B3GAT2: variants seen among roughly 807,000 people sequenced by gnomAD.
B3GAT2 encodes galactosylgalactosylxylosylprotein 3-beta-glucuronosyltransferase 2.
Under a neutral mutation model 27.8 loss-of-function variants are expected in B3GAT2, and 26 were observed. The observed-to-expected ratio is 0.93, with a 90% CI of 0.68 to 1.30. B3GAT2 has a LOEUF of 1.30. B3GAT2 is among the 50% of genes most tolerant of loss of function. B3GAT2 has a pLI of 0.00. For synonymous variants in B3GAT2, 218 were observed against 195.1 expected (o/e 1.12, Z -0.98); for missense variants, 458 against 459.0 (o/e 1.00, Z 0.02).
intron 1 of B3GAT2, among the ~76,000 whole-genome samples, chr6:70,929,825 A>G (rs1247888891): frequency 1.3e-5 from 2 of 152,254 alleles, no homozygotes; most frequent in Non-Finnish European, 2.9e-5. Flanking sequence ...CTTTCTTCAC[A>G]TAATTGGAAA....
chr6:70,956,775 C>T lies in B3GAT2; in HGVS notation c.-346G>A, dbSNP rs1765665471. 1.7e-6 allele frequency: 2 copies of T among 1,160,750 alleles called. No individual in the cohort carries two copies. The highest frequency in any genetic ancestry group is 2.1e-6 in the Non-Finnish European group (2 of 940,184). The allele number at this position is 1,160,750 out of a possible 1,614,324, so 71.9% of individuals were successfully genotyped here. On this transcript the variant is annotated 5_prime_UTR_variant, in exon 1 of 4. Coordinates refer to ENST00000230053, the MANE Select transcript of B3GAT2 (RefSeq NM_080742.3). ...GGCGCTGATCCCCACCGCGCTCTTT[C>T]TGAAGAGTGGAAGCCGAGAAGCGGC...
rs534926435 is a variant in B3GAT2, at chr6:70,890,287, C to T, written c.736+3841G>A. On this transcript the variant is annotated intron_variant, in intron 2 of 3. Transcript: ENST00000230053. ...CCCCCCCTGCAGTCACTTTAAATGC[C>T]TGCCCCCAGGATGCAATCCGAGGCT... Among the ~76,000 whole-genome samples the T allele has an allele frequency of 2.8e-4, 43 of 152,244 alleles. No homozygotes were observed. The East Asian group carries it at 7.0e-3, about 25-fold the overall frequency.
At chr6:70,938,595 C>G (rs1215381195) in intron 1 of B3GAT2, among the ~76,000 whole-genome samples, 5 of 149,412 alleles carry the variant, frequency 3.3e-5, no homozygotes, top group African/African-American at 1.2e-4. Context: ...TCAGAAATAA[C>G]GCTGCATATC....
At chr6:70,868,077 T>G (rs1180857944) in intron 2 of B3GAT2, among the ~76,000 whole-genome samples, 3 of 152,136 alleles carry the variant, frequency 2.0e-5, no homozygotes, top group African/African-American at 7.2e-5. Context: ...GAGAAAATGC[T>G]TTGACAAAAT....
At chr6:70,951,300 C>G (rs573865669) in intron 1 of B3GAT2, among the ~76,000 whole-genome samples, 1 of 152,188 alleles carries the variant, frequency 6.6e-6, no homozygotes, top group South Asian at 2.1e-4. Flanking sequence ...TTGCAGCATG[C>G]CTTAAAAGCA....
At chr6:70,871,881 G>A (rs1050016835) in intron 2 of B3GAT2, among the ~76,000 whole-genome samples, 3 of 151,670 alleles carry the variant, frequency 2.0e-5, no homozygotes, top group Admixed American at 1.3e-4. Context: ...ACCCCCATAG[G>A]TTTTCATATG....
At chr6:70,904,990 C>A (rs11752395) in intron 1 of B3GAT2, among the ~76,000 whole-genome samples, 1,592 of 152,218 alleles carry the variant, frequency 0.01, 13 homozygotes, top group Non-Finnish European at 0.016. Flanking sequence ...GACAATATAA[C>A]CTATGTGGTG....
At chr6:70,903,816 A>G (rs1003765450) in intron 1 of B3GAT2, among the ~76,000 whole-genome samples, 2 of 152,178 alleles carry the variant, frequency 1.3e-5, no homozygotes, top group Non-Finnish European at 2.9e-5. Context: ...GGTAACAACT[A>G]CTTGGGAAAA....
In B3GAT2 at chr6:70,945,786, T is replaced by G. The variant is rs1469501813; in HGVS notation, c.591+10053A>C. Among the ~76,000 whole-genome samples, 9 of 149,768 alleles carry G rather than the reference T, an allele frequency of 6.0e-5. No individual in the cohort carries two copies. In the East Asian group the frequency reaches 1.8e-3, roughly 29 times the overall value. ...ACATAATTGTCAGATTCACCAAAGT[T>G]GAAATGAAGGAAAAAATGGTAAGGG... On this transcript the variant is annotated intron_variant, in intron 1 of 3. Transcript: ENST00000230053.
rs1318186542 is a variant in B3GAT2 at position 70,894,162 on chromosome 6, C to G, written c.702G>C (p.Trp234Cys). ...NGKVVGWYTG[W>C]RADRPFAIDM... ...CGATGGCAAAAGGCCTGTCTGCTCT[C>G]CAGCCGGTGTACCAGCCAACAACTT... is the stretch of plus-strand genomic sequence containing the variant. Residue 234 changes from tryptophan (W) to cysteine (C), a missense_variant, in exon 2 of 4, where the codon TGG becomes TGC. Coordinates refer to ENST00000230053, the MANE Select transcript of B3GAT2 (RefSeq NM_080742.3). 2 of 1,613,498 alleles carry G rather than the reference C, an allele frequency of 1.2e-6. No homozygotes were observed. Among genetic ancestry groups the G allele is most frequent in the East Asian group, 4.5e-5 (2 of 44,874 alleles).
At chr6:70,864,694 A>G (rs1771822058) in intron 2 of B3GAT2, among the ~76,000 whole-genome samples, 2 of 152,168 alleles carry the variant, frequency 1.3e-5, no homozygotes, top group Admixed American at 1.3e-4. Context: ...CTTTTGGGGA[A>G]TCTGACCCGC....
At chr6:70,868,778 TAC>T (rs958378842) in intron 2 of B3GAT2, among the ~76,000 whole-genome samples, 7 of 152,134 alleles carry the variant, frequency 4.6e-5, no homozygotes, top group African/African-American at 1.7e-4. Context: ...AAAAAGTATA[TAC>T]ACACAGTGCA....
chr6:70,911,250 TG>T (rs776331195), intron 1 of B3GAT2, among the ~76,000 whole-genome samples: 1 of 152,082 alleles, frequency 6.6e-6, no homozygotes, highest in Non-Finnish European at 1.5e-5. Flanking sequence ...ATGTCCAGAA[TG>T]GTATTTCCTA....
At chr6:70,896,275 CA>C (rs1378995235) in intron 1 of B3GAT2, among the ~76,000 whole-genome samples, 17 of 152,128 alleles carry the variant, frequency 1.1e-4, no homozygotes, top group African/African-American at 4.1e-4. Flanking sequence ...CTTACTGATC[CA>C]CCTGTGTATC....
intron 2 of B3GAT2, among the ~76,000 whole-genome samples, chr6:70,863,547 G>C (rs886512952): frequency 3.3e-5 from 5 of 152,204 alleles, no homozygotes; most frequent in Non-Finnish European, 7.3e-5. Context: ...TTTGGAATTA[G>C]AAGCCTTTTG....
chr6:70,923,598 C>T (rs1772906194), intron 1 of B3GAT2, among the ~76,000 whole-genome samples: 3 of 152,028 alleles, frequency 2.0e-5, no homozygotes, highest in African/African-American at 7.2e-5. Flanking sequence ...ATTACTTGAG[C>T]CAGGAGGTCA....
chr6:70,868,577 A>G (rs1771887849), intron 2 of B3GAT2, among the ~76,000 whole-genome samples: 2 of 152,190 alleles, frequency 1.3e-5, no homozygotes, highest in South Asian at 4.1e-4. Flanking sequence ...TGGCAACAAG[A>G]CTTTTATAGT....
intron 1 of B3GAT2, among the ~76,000 whole-genome samples, chr6:70,930,318 C>A (rs1189190250): frequency 6.6e-6 from 1 of 152,166 alleles, no homozygotes; most frequent in Non-Finnish European, 1.5e-5. Flanking sequence ...AAAGCAATGG[C>A]AACAAAAGTC....
At chr6:70,868,461 T>C (rs1410458613) in intron 2 of B3GAT2, among the ~76,000 whole-genome samples, 1 of 152,200 alleles carries the variant, frequency 6.6e-6, no homozygotes, top group South Asian at 2.1e-4. Context: ...CTCACCTCCA[T>C]AGGCTCATCC....
Sources: allele counts gnomAD v4.1 joint callset (sites outside exome capture counted in the v4.1 genomes callset), GRCh38; gene constraint gnomAD v4.1.1; transcripts MANE v1.5; gene names NCBI Gene and HGNC (gene_info 2026-07-23, HGNC 2026-07-21).